The following SGCZ variants were observed in gnomAD, a reference collection of about 807,000 sequenced individuals.
SGCZ encodes zeta-sarcoglycan.
In SGCZ, 40 loss-of-function variants were observed where a neutral mutation model predicts 41.3. The ratio of observed to expected loss-of-function variants is 0.97; its 90% CI spans 0.75 to 1.26. SGCZ has a LOEUF of 1.26. SGCZ is among the 50% of genes most tolerant of loss of function. SGCZ has a pLI of 0.00. For synonymous variants in SGCZ, 206 were observed against 137.5 expected, an observed-to-expected ratio of 1.50 and a Z score of -3.49; for missense variants, 552 against 369.8, an observed-to-expected ratio of 1.49 and a Z score of -4.04.
chr8:15,210,685 G>C (rs969968113), intron 1 of SGCZ, among the ~76,000 whole-genome samples: 16 of 151,986 alleles, frequency 1.1e-4, no homozygotes, highest in Admixed American at 6.6e-4. Context: ...TCATGATCTT[G>C]TATTGCTCAT....
intron 1 of SGCZ, among the ~76,000 whole-genome samples, chr8:14,919,928 T>A (rs1799543471): frequency 1.3e-5 from 2 of 152,068 alleles, no homozygotes; most frequent in African/African-American, 4.8e-5. Flanking sequence ...TTTTGTTTTG[T>A]TTTGTTTTGT....
chr8:14,194,259 T>C (rs1005388445), intron 4 of SGCZ, among the ~76,000 whole-genome samples: 12 of 152,020 alleles, frequency 7.9e-5, no homozygotes, highest in Non-Finnish European at 1.5e-4. Context: ...GAACTCTGGA[T>C]TGATCAAAAC....
rs1342853129 is a variant in SGCZ at position 14,195,733 on chromosome 8, G to A, written c.425-31031C>T. On this transcript the variant is annotated intron_variant, in intron 4 of 7. Transcript: ENST00000382080. ...TAATACTGGAAAAAATGCAAGTGAT[G>A]ACATAGGAGAGCAATATCTTTAAAA... Among the ~76,000 whole-genome samples the A allele has an allele frequency of 2.0e-5, 3 of 152,088 alleles. No homozygotes were observed. The East Asian group carries it at 5.8e-4, about 29-fold the overall frequency.
chr8:14,905,068 TA>T (rs1403066666), intron 1 of SGCZ, among the ~76,000 whole-genome samples: 1 of 151,928 alleles, frequency 6.6e-6, no homozygotes, highest in Non-Finnish European at 1.5e-5. Context: ...TTCTTGACAC[TA>T]CCCTATACTC....
At chr8:14,543,607 TA>T (rs1272905104) in intron 2 of SGCZ, among the ~76,000 whole-genome samples, 2 of 152,266 alleles carry the variant, frequency 1.3e-5, no homozygotes, top group African/African-American at 4.8e-5. Flanking sequence ...AGGCCATCTT[TA>T]GGTTTGATCA....
rs534835939 is a variant in SGCZ, at chr8:15,134,033, G to A, written c.39+103552C>T. Among the ~76,000 whole-genome samples, 59 of 152,186 alleles carry A rather than the reference G, an allele frequency of 3.9e-4. 1 individual carries two copies. Among genetic ancestry groups the A allele is most frequent in the African/African-American group, 1.4e-3 (57 of 41,540 alleles). ...TAACGATTTATCAGCTTAAGTATGT[G>A]CTGATTAAGACACTTAATAAAATAC... On this transcript the variant is annotated intron_variant, in intron 1 of 7. Transcript: ENST00000382080.
intron 4 of SGCZ, among the ~76,000 whole-genome samples, chr8:14,174,624 A>C (rs1249126866): frequency 6.6e-6 from 1 of 152,128 alleles, no homozygotes; most frequent in African/African-American, 2.4e-5. Flanking sequence ...AAGAAACAAC[A>C]CTGAGAAAAT....
chr8:14,154,137 G>A (rs1803804059), intron 5 of SGCZ, among the ~76,000 whole-genome samples: 3 of 152,188 alleles, frequency 2.0e-5, no homozygotes, highest in Admixed American at 6.5e-5. Flanking sequence ...ATGGGAGGCC[G>A]AGGCGGGTGG....
intron 1 of SGCZ, among the ~76,000 whole-genome samples, chr8:14,731,769 C>G (rs1810246652): frequency 6.6e-6 from 1 of 152,010 alleles, no homozygotes; most frequent in South Asian, 2.1e-4. Context: ...AATTCTACTT[C>G]CCACCAAATC....
chr8:14,468,912 C>A (rs1237474119), intron 2 of SGCZ, among the ~76,000 whole-genome samples: 7 of 151,968 alleles, frequency 4.6e-5, no homozygotes, highest in Non-Finnish European at 8.8e-5. Context: ...ATGTATTAGG[C>A]CTCATGTATA....
Position 14,779,289 on chromosome 8 carries a change from G to A in SGCZ, c.40-224363C>T, listed in dbSNP as rs139512523. ...TGGTCTCTTGATTAACTTGCACTGC[G>A]GCAAATCAGTTGCCATGTTATGAGA... On this transcript the variant is annotated intron_variant, in intron 1 of 7. Coordinates refer to ENST00000382080, the MANE Select transcript of SGCZ (RefSeq NM_139167.4). Among the ~76,000 whole-genome samples the A allele has an allele frequency of 2.3e-3, 343 of 152,214 alleles. 1 individual carries two copies. The highest frequency in any genetic ancestry group is 7.7e-3 in the African/African-American group (319 of 41,542).
At chr8:14,803,271 G>C (rs557836299) in intron 1 of SGCZ, among the ~76,000 whole-genome samples, 3 of 152,288 alleles carry the variant, frequency 2.0e-5, no homozygotes, top group East Asian at 1.9e-4. Context: ...CTCCCAGCGT[G>C]AGCGACGCAG....
chr8:14,488,623 C>T (rs1250195888), intron 2 of SGCZ, among the ~76,000 whole-genome samples: 2 of 152,178 alleles, frequency 1.3e-5, no homozygotes, highest in South Asian at 2.1e-4. Flanking sequence ...ATCTTTCCAT[C>T]GCTGTGAGAA....
chr8:14,366,004 T>C (rs1265351844), intron 2 of SGCZ, among the ~76,000 whole-genome samples: 1 of 152,204 alleles, frequency 6.6e-6, no homozygotes, highest in Non-Finnish European at 1.5e-5. Flanking sequence ...TCTGATTTTC[T>C]TTCTACATTT....
At chr8:14,702,859 AGATAGATAGATAGATAGATAGAT>A (rs1563213130) in intron 1 of SGCZ, among the ~76,000 whole-genome samples, 1 of 149,460 alleles carries the variant, frequency 6.7e-6, no homozygotes, top group African/African-American at 2.5e-5. Context: ...ATAGATAGAT[AGATAGATAGATAGATAGATAGAT>A]AAAAAGATAG....
intron 1 of SGCZ, among the ~76,000 whole-genome samples, chr8:14,794,444 T>C (rs1801058900): frequency 6.6e-6 from 1 of 152,014 alleles, no homozygotes; most frequent in South Asian, 2.1e-4. Flanking sequence ...CTCAATAGAA[T>C]TCGACAGAAT....
At chr8:14,134,526 AG>A (rs1803138724) in intron 5 of SGCZ, among the ~76,000 whole-genome samples, 1 of 152,234 alleles carries the variant, frequency 6.6e-6, no homozygotes, top group Non-Finnish European at 1.5e-5. Flanking sequence ...AAATTGGCAT[AG>A]AAAGTAATAG....
intron 1 of SGCZ, among the ~76,000 whole-genome samples, chr8:14,705,202 AT>A (rs1237028723): frequency 6.6e-6 from 1 of 151,864 alleles, no homozygotes; most frequent in Non-Finnish European, 1.5e-5. Context: ...TTAGTTGAAT[AT>A]TTTTGGTGGT....
At chr8:14,978,406 G>A (rs1316964220) in intron 1 of SGCZ, among the ~76,000 whole-genome samples, 2 of 116,442 alleles carry the variant, frequency 1.7e-5, no homozygotes, top group African/African-American at 8.7e-5. Flanking sequence ...GGGAGGTGGA[G>A]GTTGTAGTGA....
Sources: allele counts gnomAD v4.1 joint callset (sites outside exome capture counted in the v4.1 genomes callset), GRCh38; gene constraint gnomAD v4.1.1; transcripts MANE v1.5; gene names NCBI Gene and HGNC (gene_info 2026-07-23, HGNC 2026-07-21).